The following THSD7B variants were observed in gnomAD, a reference collection of about 807,000 sequenced individuals.
THSD7B encodes the protein thrombospondin type-1 domain-containing protein 7B.
A neutral mutation model predicts 213.6 loss-of-function variants in THSD7B; 138 were observed. The ratio of observed to expected loss-of-function variants is 0.65; its 90% CI spans 0.56 to 0.74. THSD7B has a LOEUF of 0.74. THSD7B is among the 30% of genes least tolerant of loss of function. The pLI is 0.00. For synonymous variants in THSD7B, 742 were observed against 687.0 expected, an observed-to-expected ratio of 1.08 and a Z score of -1.25; for missense variants, 1,931 against 1,991.5, an observed-to-expected ratio of 0.97 and a Z score of 0.58.
chr2:137,104,727 T>C (rs1573825460), intron 4 of THSD7B, among the ~76,000 whole-genome samples: 3 of 152,110 alleles, frequency 2.0e-5, no homozygotes, highest in Admixed American at 2.0e-4. Context: ...AAAGGGGATA[T>C]CACCACTGAT....
At chr2:137,018,815 C>T (rs1686390352) in intron 2 of THSD7B, among the ~76,000 whole-genome samples, 2 of 152,042 alleles carry the variant, frequency 1.3e-5, no homozygotes, top group Non-Finnish European at 2.9e-5. Flanking sequence ...ATCCCATTAC[C>T]AATGTTTTCT....
chr2:137,417,664 C>T (rs2105021478), intron 14 of THSD7B, among the ~76,000 whole-genome samples: 1 of 152,204 alleles, frequency 6.6e-6, no homozygotes, highest in East Asian at 1.9e-4. Context: ...AACTCTTGGG[C>T]TCAAGCGATC....
At chr2:137,170,228 T>C (rs1251795034) in intron 6 of THSD7B, among the ~76,000 whole-genome samples, 1 of 152,112 alleles carries the variant, frequency 6.6e-6, no homozygotes, top group Non-Finnish European at 1.5e-5. Flanking sequence ...CAAAGAGATA[T>C]TGTCTTTATG....
chr2:137,521,120 G>T (rs1680176184), intron 15 of THSD7B, among the ~76,000 whole-genome samples: 2 of 152,150 alleles, frequency 1.3e-5, no homozygotes, highest in Non-Finnish European at 2.9e-5. Context: ...CATTGCCAGG[G>T]AGATTATTAT....
chr2:137,566,969 T>C (rs556375563), intron 16 of THSD7B, among the ~76,000 whole-genome samples: 56 of 152,052 alleles, frequency 3.7e-4, no homozygotes, highest in African/African-American at 1.3e-3. Flanking sequence ...GAAAGAGGAT[T>C]CCAGGGACAA....
intron 14 of THSD7B, among the ~76,000 whole-genome samples, chr2:137,421,269 T>C (rs1269778732): frequency 6.6e-6 from 1 of 152,130 alleles, no homozygotes; most frequent in Non-Finnish European, 1.5e-5. Flanking sequence ...TCAATTCTAA[T>C]ACTGTCTATC....
chr2:137,002,859 T>C (rs1686027288), intron 2 of THSD7B, among the ~76,000 whole-genome samples: 1 of 152,206 alleles, frequency 6.6e-6, no homozygotes, highest in African/African-American at 2.4e-5. Context: ...GATTTTTTCT[T>C]ATACTTCTTA....
intron 7 of THSD7B, among the ~76,000 whole-genome samples, chr2:137,183,951 A>C (rs981295512): frequency 6.6e-6 from 1 of 152,168 alleles, no homozygotes; most frequent in Non-Finnish European, 1.5e-5. Context: ...ATTAAAGATA[A>C]TGGAACCTTC....
intron 1 of THSD7B, among the ~76,000 whole-genome samples, chr2:136,837,186 CCT>C (rs1373183434): frequency 6.6e-6 from 1 of 152,172 alleles, no homozygotes. Flanking sequence ...CTTGTCATCC[CCT>C]GTCTTCCAAG....
chr2:136,807,531 G>A (rs1238885139), intron 1 of THSD7B, among the ~76,000 whole-genome samples: 9 of 17,532 alleles, frequency 5.1e-4, no homozygotes, highest in East Asian at 3.8e-3. Context: ...TTTTTGAGAC[G>A]GAGTCTTGCT....
intron 15 of THSD7B, among the ~76,000 whole-genome samples, chr2:137,464,350 T>G (rs75828591): frequency 0.045 from 6,796 of 152,122 alleles, 426 homozygotes; most frequent in African/African-American, 0.14. Context: ...ATTTTTATTA[T>G]TAAGTGCAGA....
At position 137,335,549 on chromosome 2, in the gene THSD7B, C is replaced by T. The variant is rs570843537; in HGVS notation, c.2500+59523C>T. ...TCCCAAAATTAATACCCTATGCTCA[C>T]AACCTCTAAATAAATCAGCAACAGT... On this transcript the variant is annotated intron_variant, in intron 12 of 27. Transcript: ENST00000409968. 2.0e-5 allele frequency among the ~76,000 whole-genome samples: 3 copies of T among 152,298 alleles called. No individual in the cohort carries two copies. In the South Asian group the frequency reaches 6.2e-4, roughly 32 times the overall value.
At chr2:137,099,630 G>A (rs1224934914) in intron 4 of THSD7B, among the ~76,000 whole-genome samples, 1 of 152,124 alleles carries the variant, frequency 6.6e-6, no homozygotes, top group African/African-American at 2.4e-5. Flanking sequence ...CGACCCCACT[G>A]GGAGACAACA....
chr2:137,598,009 T>C (rs886490049), intron 17 of THSD7B, among the ~76,000 whole-genome samples: 6 of 152,128 alleles, frequency 3.9e-5, no homozygotes, highest in African/African-American at 1.4e-4. Context: ...TGAGTCTCTC[T>C]TCCTATCTCC....
intron 15 of THSD7B, among the ~76,000 whole-genome samples, chr2:137,456,148 C>T (rs1687758538): frequency 6.6e-6 from 1 of 152,092 alleles, no homozygotes; most frequent in South Asian, 2.1e-4. Flanking sequence ...GAAGCAGCTG[C>T]TATTTTAAAG....
chr2:137,563,825 A>G (rs1198960474), intron 16 of THSD7B, among the ~76,000 whole-genome samples: 1 of 152,208 alleles, frequency 6.6e-6, no homozygotes, highest in Non-Finnish European at 1.5e-5. Flanking sequence ...GTAGCAATAC[A>G]TGTTAATATA....
intron 12 of THSD7B, among the ~76,000 whole-genome samples, chr2:137,282,563 T>G (rs1683053471): frequency 6.6e-6 from 1 of 152,194 alleles, no homozygotes; most frequent in Non-Finnish European, 1.5e-5. Context: ...CTTTAATCAA[T>G]CTTGAATTAA....
At chr2:137,524,981 A>C (rs183448272) in intron 15 of THSD7B, among the ~76,000 whole-genome samples, 1 of 152,310 alleles carries the variant, frequency 6.6e-6, no homozygotes, top group East Asian at 1.9e-4. Flanking sequence ...GGAGACAATA[A>C]GGAGAGGCCG....
chr2:137,113,174 C>T (rs1272507503), intron 4 of THSD7B, among the ~76,000 whole-genome samples: 2 of 152,108 alleles, frequency 1.3e-5, no homozygotes, highest in African/African-American at 4.8e-5. Context: ...GGTAATCATC[C>T]ACCCCAACAT....
Sources: gnomAD v4.1 joint callset for allele counts (sites outside exome capture counted in the v4.1 genomes callset) on GRCh38, gnomAD v4.1.1 for gene constraint, MANE v1.5 for transcripts, NCBI Gene and HGNC (gene_info 2026-07-23, HGNC 2026-07-21) for gene names.